The following SCAF11 variants were observed in gnomAD, a reference collection of about 807,000 sequenced individuals.
SCAF11 encodes the protein protein SCAF11.
SCAF11 carries 47 observed loss-of-function variants against 140.5 expected under a neutral mutation model. The observed-to-expected ratio is 0.33, with a 90% CI of 0.26 to 0.43. The LOEUF (loss-of-function observed/expected upper bound fraction) is 0.43, where lower values mean the gene tolerates loss of function less well. SCAF11 is among the 20% of genes least tolerant of loss of function. SCAF11 has a pLI of 1.00. For missense variants in SCAF11, 1,645 were observed against 1,705.1 expected (o/e 0.96, Z 0.62); for synonymous variants, 557 against 579.4 (o/e 0.96, Z 0.55).
In SCAF11 at chr12:45,927,576, A is replaced by C. The variant is rs1277286676; in HGVS notation, c.2125T>G (p.Phe709Val). 6.2e-7 allele frequency: 1 copy of C among 1,613,134 alleles called. No homozygotes were observed. The highest frequency in any genetic ancestry group is 1.3e-5 in the African/African-American group (1 of 74,744). ...KTHIEQIQKH[F>V]SEDNNEMIPM... is the part of the protein sequence containing the mutation. ...ATCATTTCATTGTTGTCCTCACTAAAATGCTTCTGAATCTGTTCAATGTGT... is the reference window on the plus strand; with the variant it reads ...ATCATTTCATTGTTGTCCTCACTAACATGCTTCTGAATCTGTTCAATGTGT... Residue 709 changes from phenylalanine (F) to valine (V), a missense_variant, in exon 11 of 15, where the codon TTT becomes GTT. By Grantham distance (50) the Phe-to-Val change is conservative. This residue lies in a region of SCAF11 where 1,582 missense variants were observed against 1,609.2 expected (regional missense o/e 0.98). Coordinates refer to ENST00000369367, the MANE Select transcript of SCAF11 (RefSeq NM_004719.3).
rs780322702 is a variant in SCAF11 at position 45,934,250 on chromosome 12, G to C, written c.558C>G (p.Phe186Leu). Residue 186 changes from phenylalanine to leucine, a missense_variant, in exon 8 of 15, where the codon TTC becomes TTG. Physicochemically the swap from Phe to Leu is conservative, Grantham distance 22. This residue lies in a region of SCAF11 where 1,582 missense variants were observed against 1,609.2 expected (regional missense o/e 0.98). Coordinates refer to ENST00000369367, the MANE Select transcript of SCAF11 (RefSeq NM_004719.3). ...QRSNWSTNQC[F>L]RNFFSNMFSS... The stretch of plus-strand genomic sequence containing the variant: ...AAAACATATTGGAGAAAAAATTTCT[G>C]AAGCACTGATTTGTACTCCAATTTG... 5 of 1,611,658 alleles carry C rather than the reference G, an allele frequency of 3.1e-6. No homozygotes were observed. The South Asian group carries it at 3.3e-5, about 11-fold the overall frequency.
intron 3 of SCAF11, among the ~76,000 whole-genome samples, chr12:45,958,749 T>C (rs1043572324): frequency 1.3e-5 from 2 of 152,214 alleles, no homozygotes; most frequent in African/African-American, 4.8e-5. Context: ...CTGAAACATT[T>C]TGCCCTAAGT....
chr12:45,944,055 T>C (rs1945366571), intron 6 of SCAF11, among the ~76,000 whole-genome samples: 1 of 152,078 alleles, frequency 6.6e-6, no homozygotes, highest in Non-Finnish European at 1.5e-5. Flanking sequence ...TTTAAGAAAA[T>C]TACAGTTGTC....
intron 5 of SCAF11, 39 bp downstream of exon 5, chr12:45,948,398 C>A: frequency 7.6e-7 from 1 of 1,322,780 alleles, no homozygotes; most frequent in South Asian, 1.2e-5. Context: ...AACTTCTGTT[C>A]CACTCATTTG....
chr12:45,953,795 C>A (rs1489760767), intron 3 of SCAF11: 2 of 569,698 alleles, frequency 3.5e-6, no homozygotes, highest in African/African-American at 2.0e-5. Context: ...GCCTCAGTAA[C>A]CTTATTTGTG....
Position 45,928,530 on chromosome 12 carries a change from G to C in SCAF11, c.1171C>G (p.Arg391Gly), listed in dbSNP as rs148536014. 1.9e-6 allele frequency: 3 copies of C among 1,614,052 alleles called. No homozygotes were observed. In the East Asian group the frequency reaches 6.7e-5, roughly 36 times the overall value. The change falls in exon 11 of 15, where the codon CGG (arginine) becomes GGG (glycine). Residue 391 changes from arginine (R) to glycine (G), a missense_variant. Coordinates refer to ENST00000369367, the MANE Select transcript of SCAF11 (RefSeq NM_004719.3). ...RKPPLLKKKL[R>G]SSVAAPEKSS... ...TTTTCAGGGGCAGCTACAGAGCTCCGAAGTTTCTTTTTCAGTAAAGGTGGT... is the reference window on the plus strand; with the variant it reads ...TTTTCAGGGGCAGCTACAGAGCTCCCAAGTTTCTTTTTCAGTAAAGGTGGT...
intron 10 of SCAF11, chr12:45,929,715 G>A (rs2136515708): frequency 6.6e-6 from 1 of 152,274 alleles, no homozygotes; most frequent in Admixed American, 6.5e-5. Context: ...AGATAAAACT[G>A]TGTTTCTCAT....
intron 12 of SCAF11, among the ~76,000 whole-genome samples, chr12:45,924,400 A>G (rs949498712): frequency 1.3e-5 from 2 of 152,168 alleles, no homozygotes; most frequent in African/African-American, 2.4e-5. Context: ...AGTGCAAAAC[A>G]GGGGAAAAAT....
At chr12:45,968,502 T>C (rs943955638) in intron 1 of SCAF11, among the ~76,000 whole-genome samples, 6 of 152,058 alleles carry the variant, frequency 3.9e-5, no homozygotes, top group Non-Finnish European at 2.9e-5. Context: ...TTATTTATCA[T>C]ATAAGAAGGT....
At position 45,973,001 on chromosome 12, in the gene SCAF11, GAT is replaced by G. The variant is rs371257166; in HGVS notation, c.-21-8815_-21-8814del. ...ATAGATATATAGATATAGATATATA[GAT>G]ATATATATAGATATATAGATATATA... On this transcript the variant is annotated intron_variant, in intron 1 of 14. Transcript: ENST00000369367. 2.2e-3 allele frequency among the ~76,000 whole-genome samples: 195 copies of G among 87,374 alleles called. 2 individuals carry two copies. Among genetic ancestry groups the G allele is most frequent in the African/African-American group, 3.7e-3 (119 of 31,824 alleles). The allele number at this position is 87,374 out of a possible 152,430, so 57.3% of individuals were successfully genotyped here. A position where few individuals can be genotyped will look rare whatever the true frequency, so the allele number is the denominator to read the frequency against.
rs188414743 is a variant in SCAF11 at position 45,930,808 on chromosome 12, T to A, written c.841+698A>T. 3 of 152,204 alleles carry A rather than the reference T, an allele frequency of 2.0e-5. No individual in the cohort carries two copies. The South Asian group carries it at 6.2e-4, about 31-fold the overall frequency. The allele number at this position is 152,204 out of a possible 1,614,324, so 9.4% of individuals were successfully genotyped here. A position where few individuals can be genotyped will look rare whatever the true frequency, so the allele number is the denominator to read the frequency against. The stretch of plus-strand genomic sequence containing the variant: ...ATGATGAAATAGACTAGTACCTACA[T>A]ATATTTTATACATTAATGACATACC... On this transcript the variant is annotated intron_variant, in intron 10 of 14. Transcript: ENST00000369367.
intron 1 of SCAF11, among the ~76,000 whole-genome samples, chr12:45,989,525 C>G (rs1177443098): frequency 6.6e-6 from 1 of 152,184 alleles, no homozygotes; most frequent in Non-Finnish European, 1.5e-5. Context: ...ATGTCTAAAT[C>G]AAGTACTCTA....
At chr12:45,990,713 C>T, upstream of SCAF11, 1 of 668,566 alleles carries the variant, frequency 1.5e-6, no homozygotes, top group South Asian at 7.8e-5. Flanking sequence ...TACTCGCTCG[C>T]TCTGGCCCTG....
At chr12:45,980,727 C>T (rs1271842243) in intron 1 of SCAF11, among the ~76,000 whole-genome samples, 1 of 152,128 alleles carries the variant, frequency 6.6e-6, no homozygotes, top group African/African-American at 2.4e-5. Flanking sequence ...TAAATAGCAG[C>T]TAACTCTATG....
Position 45,928,472 on chromosome 12 carries a change from G to A in SCAF11, c.1229C>T (p.Thr410Ile), listed in dbSNP as rs745957924. The A allele has an allele frequency of 6.2e-7, 1 of 1,613,012 alleles. No homozygotes were observed. Among genetic ancestry groups the A allele is most frequent in the African/African-American group, 1.3e-5 (1 of 74,836 alleles). ...SSSNDSVDEE[T>I]AESDTSPVLE... The stretch of plus-strand genomic sequence containing the variant: ...CACAGGTGATGTGTCAGATTCTGCT[G>A]TTTCTTCATCTACTGAATCATTGGA... Residue 410 changes from threonine (T) to isoleucine (I), a missense_variant, in exon 11 of 15, where the codon ACA becomes ATA. Physicochemically the swap from Thr to Ile is moderately conservative, Grantham distance 89 (BLOSUM62 -1). Around this residue, in one of 2 missense-constraint regions of SCAF11, gnomAD observed 1,582 missense variants for 1,609.2 expected, o/e 0.98. Transcript: ENST00000369367.
intron 1 of SCAF11, among the ~76,000 whole-genome samples, chr12:45,971,042 C>T (rs1279600662): frequency 6.6e-6 from 1 of 152,114 alleles, no homozygotes; most frequent in Non-Finnish European, 1.5e-5. Context: ...AGCCAGAAAT[C>T]GTCAGCCAGA....
intron 6 of SCAF11, chr12:45,935,153 C>A (rs1350475777): frequency 6.6e-6 from 1 of 152,242 alleles, no homozygotes; most frequent in African/African-American, 2.4e-5. Flanking sequence ...TTGCTTGCCT[C>A]ACAAAGGGCC....
intron 6 of SCAF11, among the ~76,000 whole-genome samples, chr12:45,935,570 AC>A (rs1945153443): frequency 6.6e-6 from 1 of 152,192 alleles, no homozygotes; most frequent in Admixed American, 6.5e-5. Context: ...GCTGTGCTAT[AC>A]CTACATAGTG....
upstream of SCAF11, among the ~76,000 whole-genome samples, chr12:45,990,800 G>C (rs1037410495): frequency 6.6e-5 from 10 of 152,228 alleles, no homozygotes; most frequent in Non-Finnish European, 1.5e-4. Flanking sequence ...AAGCGTGGTG[G>C]GTGGAGTCAC....
Sources: allele counts gnomAD v4.1 joint callset (sites outside exome capture counted in the v4.1 genomes callset), GRCh38; gene constraint gnomAD v4.1.1; regional missense constraint gnomAD v4.1.1; transcripts MANE v1.5; gene names NCBI Gene and HGNC (gene_info 2026-07-23, HGNC 2026-07-21).